Variants in TAFA4 observed in about 807,000 individuals in gnomAD.
The protein encoded by TAFA4 is TAFA chemokine like family member 4.
TAFA4 carries 20 observed loss-of-function variants against 21.1 expected under a neutral mutation model. The observed-to-expected ratio is 0.95, with a 90% CI of 0.67 to 1.38. The LOEUF (loss-of-function observed/expected upper bound fraction) is 1.38. TAFA4 is among the 40% of genes most tolerant of loss of function. The probability of loss-of-function intolerance (pLI) is 0.00; values close to 1 mark genes in which losing one functional copy is unlikely to be tolerated. For synonymous variants in TAFA4, 71 were observed against 67.4 expected (o/e 1.05, Z -0.26); for missense variants, 211 against 180.9 (o/e 1.17, Z -0.95).
At chr3:68,919,734 T>C (rs891632628) in intron 1 of TAFA4, among the ~76,000 whole-genome samples, 5 of 152,208 alleles carry the variant, frequency 3.3e-5, no homozygotes, top group Non-Finnish European at 5.9e-5. Flanking sequence ...TATTGAAACA[T>C]ACAGGAATTT....
At chr3:68,823,640 C>T (rs2130441) in intron 3 of TAFA4, among the ~76,000 whole-genome samples, 15,288 of 152,104 alleles carry the variant, frequency 0.1, 907 homozygotes, top group African/African-American at 0.16. Context: ...TATGTTGTTC[C>T]CCTCCCTGTG....
At chr3:68,784,674 T>C (rs953567206) in intron 3 of TAFA4, among the ~76,000 whole-genome samples, 1 of 152,184 alleles carries the variant, frequency 6.6e-6, no homozygotes, top group Non-Finnish European at 1.5e-5. Flanking sequence ...AGAACAAAGT[T>C]TCCACAGGGT....
chr3:68,848,070 T>C (rs888251055), intron 3 of TAFA4, among the ~76,000 whole-genome samples: 4 of 152,222 alleles, frequency 2.6e-5, no homozygotes, highest in African/African-American at 9.6e-5. Flanking sequence ...CTCATAAATG[T>C]ATTAAAAGGT....
chr3:68,911,836 C>G (rs561101505), intron 1 of TAFA4, among the ~76,000 whole-genome samples: 93 of 152,284 alleles, frequency 6.1e-4, no homozygotes, highest in Non-Finnish European at 9.3e-4. Context: ...TGCCAGGGCT[C>G]AAAGCTCTTA....
chr3:68,903,568 T>C (rs1004415122), intron 1 of TAFA4, among the ~76,000 whole-genome samples: 1 of 152,222 alleles, frequency 6.6e-6, no homozygotes, highest in Admixed American at 6.5e-5. Context: ...TTCTATATCA[T>C]AAAATGTTTT....
chr3:68,747,199 G>A (rs1030090987), intron 4 of TAFA4, among the ~76,000 whole-genome samples: 1 of 152,070 alleles, frequency 6.6e-6, no homozygotes, highest in Admixed American at 6.5e-5. Flanking sequence ...CCCCTACCAT[G>A]GGCAATTCCA....
chr3:68,840,832 C>A (rs944074690), intron 3 of TAFA4, among the ~76,000 whole-genome samples: 20 of 152,124 alleles, frequency 1.3e-4, no homozygotes, highest in South Asian at 4.1e-4. Flanking sequence ...GGGCTTACTG[C>A]GCTTGCCCAT....
chr3:68,850,495 A>AT (rs1704916947), intron 3 of TAFA4, among the ~76,000 whole-genome samples: 4 of 152,152 alleles, frequency 2.6e-5, no homozygotes, highest in African/African-American at 9.7e-5. Context: ...GGTTGAACTA[A>AT]TTTACACTCC....
intron 3 of TAFA4, among the ~76,000 whole-genome samples, chr3:68,765,772 T>C (rs1702841875): frequency 6.6e-6 from 1 of 152,050 alleles, no homozygotes; most frequent in Non-Finnish European, 1.5e-5. Flanking sequence ...TTAATAGCCT[T>C]TTGGAGGATG....
chr3:68,905,973 G>A (rs1466425284), intron 1 of TAFA4, among the ~76,000 whole-genome samples: 3 of 152,178 alleles, frequency 2.0e-5, no homozygotes, highest in Non-Finnish European at 4.4e-5. Context: ...GGCCTAAACC[G>A]AAGTGAAAAT....
chr3:68,752,324 A>G (rs1051119840), intron 4 of TAFA4, among the ~76,000 whole-genome samples: 10 of 152,188 alleles, frequency 6.6e-5, no homozygotes, highest in Non-Finnish European at 1.3e-4. Context: ...ACATTCATAT[A>G]TATTTTTTAA....
chr3:68,874,305 A>T (rs775926492), intron 3 of TAFA4, among the ~76,000 whole-genome samples: 1 of 152,138 alleles, frequency 6.6e-6, no homozygotes, highest in Non-Finnish European at 1.5e-5. Flanking sequence ...CTTCAAAAAT[A>T]TTATTTCCAG....
chr3:68,927,310 A>G (rs987250456), intron 1 of TAFA4, among the ~76,000 whole-genome samples: 8 of 152,262 alleles, frequency 5.3e-5, no homozygotes, highest in Admixed American at 3.3e-4. Context: ...AAATGAAGAA[A>G]ATCAAGAAAT....
chr3:68,922,016 T>C (rs189447372), intron 1 of TAFA4, among the ~76,000 whole-genome samples: 46 of 152,366 alleles, frequency 3.0e-4, no homozygotes, highest in Non-Finnish European at 5.7e-4. Flanking sequence ...ATTTAATTTG[T>C]ACTTTTGGTT....
At chr3:68,875,381 T>C (rs544268841) in intron 3 of TAFA4, among the ~76,000 whole-genome samples, 1 of 152,286 alleles carries the variant, frequency 6.6e-6, no homozygotes, top group African/African-American at 2.4e-5. Flanking sequence ...TCTGTGTTTT[T>C]CGTGCAAAAG....
chr3:68,892,331 C>T (rs981757815), intron 1 of TAFA4, among the ~76,000 whole-genome samples: 1 of 152,106 alleles, frequency 6.6e-6, no homozygotes, highest in African/African-American at 2.4e-5. Flanking sequence ...CAATAACTGT[C>T]TATTAAATAT....
intron 3 of TAFA4, among the ~76,000 whole-genome samples, chr3:68,853,031 G>T (rs573323920): frequency 6.6e-6 from 1 of 151,932 alleles, no homozygotes; most frequent in Admixed American, 6.6e-5. Flanking sequence ...GAAAACTGAG[G>T]GTTCTTAAAC....
intron 3 of TAFA4, among the ~76,000 whole-genome samples, chr3:68,805,011 C>T (rs1008283586): frequency 3.3e-5 from 5 of 152,142 alleles, no homozygotes; most frequent in African/African-American, 1.2e-4. Flanking sequence ...TCAGGGTGAA[C>T]AGGCAACCTA....
At chr3:68,882,462 G>A (rs143927653) in intron 2 of TAFA4, among the ~76,000 whole-genome samples, 5 of 152,280 alleles carry the variant, frequency 3.3e-5, no homozygotes, top group African/African-American at 4.8e-5. Context: ...ACAGGCTGCC[G>A]TGGTCGCAGC....
Sources: allele counts gnomAD v4.1 joint callset (sites outside exome capture counted in the v4.1 genomes callset), GRCh38; gene constraint gnomAD v4.1.1; transcripts MANE v1.5; gene names NCBI Gene and HGNC (gene_info 2026-07-23, HGNC 2026-07-21).